The following SUGP2 variants were observed in gnomAD, a reference collection of about 807,000 sequenced individuals.
SUGP2 encodes SURP and G-patch domain containing 2.
In SUGP2, 24 loss-of-function variants were observed where a neutral mutation model predicts 90.5. The observed-to-expected ratio is 0.27, with a 90% CI of 0.19 to 0.37. The LOEUF (loss-of-function observed/expected upper bound fraction) is 0.37, where lower values mean the gene tolerates loss of function less well. Ranked by LOEUF, SUGP2 falls within the 10% of genes least tolerant of loss-of-function variation. SUGP2 has a pLI of 1.00. For synonymous variants in SUGP2, 473 were observed against 513.4 expected, an observed-to-expected ratio of 0.92 and a Z score of 1.06; for missense variants, 1,233 against 1,363.3, an observed-to-expected ratio of 0.90 and a Z score of 1.51.
intron 3 of SUGP2, among the ~76,000 whole-genome samples, chr19:19,020,643 G>C (rs1327721264): frequency 6.6e-6 from 1 of 151,348 alleles, no homozygotes; most frequent in Admixed American, 6.6e-5. Flanking sequence ...TCACCACATT[G>C]CTCAGGCTGG....
At chr19:19,005,558 G>A (rs1053057472) in intron 6 of SUGP2, among the ~76,000 whole-genome samples, 26 of 151,956 alleles carry the variant, frequency 1.7e-4, no homozygotes, top group African/African-American at 5.8e-4. Context: ...CAGACCAAAG[G>A]AACAGAATAG....
intron 4 of SUGP2, among the ~76,000 whole-genome samples, chr19:19,017,371 G>A (rs1456565746): frequency 6.6e-6 from 1 of 152,220 alleles, no homozygotes; most frequent in Non-Finnish European, 1.5e-5. Flanking sequence ...TTACTAGTGA[G>A]ACAGAAGGTC....
intron 4 of SUGP2, among the ~76,000 whole-genome samples, chr19:19,014,231 G>A (rs937813099): frequency 2.0e-5 from 3 of 152,080 alleles, no homozygotes; most frequent in East Asian, 1.9e-4. Context: ...GACCTCATGC[G>A]GCCCACTCGC....
intron 8 of SUGP2, among the ~76,000 whole-genome samples, chr19:18,998,165 C>T (rs2057686938): frequency 6.6e-6 from 1 of 152,256 alleles, no homozygotes; most frequent in Non-Finnish European, 1.5e-5. Flanking sequence ...TCTAAAGTTA[C>T]CTACAGCCTC....
chr19:18,995,076 A>T (rs926447730), intron 9 of SUGP2, 68 bp downstream of exon 9: 30 of 1,573,306 alleles, frequency 1.9e-5, no homozygotes, highest in Non-Finnish European at 2.2e-5. Flanking sequence ...TGAAGGAGCC[A>T]AGCGGCAGGC....
At position 19,025,080 on chromosome 19, in the gene SUGP2, T is replaced by C. The variant is rs1310324853; in HGVS notation, c.1268A>G (p.Lys423Arg). 1.9e-6 allele frequency: 3 copies of C among 1,614,166 alleles called. No homozygotes were observed. The highest frequency in any genetic ancestry group is 2.5e-6 in the Non-Finnish European group (3 of 1,180,032). The change falls in exon 3 of 11, where the codon AAG (lysine) becomes AGG (arginine). Residue 423 changes from lysine (K) to arginine (R), a missense_variant. Lys to Arg is a conservative substitution (Grantham distance 26). This residue lies in a region of SUGP2 where 1 missense variants were observed against 16.5 expected (regional missense o/e 0.06). Transcript: ENST00000452918. The stretch of plus-strand genomic sequence containing the variant: ...TCTCATTATGTACTTGTCAAAAGGC[T>C]TTATGATTTCAAAAAAGCAATTTTT... The part of the protein sequence containing the change: ...KTKNCFFEII[K>R]PFDKYIMRLQ...
At chr19:19,030,923 C>A in intron 2 of SUGP2, 28 bp downstream of exon 2, 1 of 1,597,458 alleles carries the variant, frequency 6.3e-7, no homozygotes, top group Non-Finnish European at 8.5e-7. Context: ...ACCAAAACAA[C>A]AACTACAACA....
In SUGP2 at chr19:19,025,441, C is replaced by G. The variant is rs1386802588; in HGVS notation, c.907G>C (p.Asp303His). The G allele has an allele frequency of 6.2e-7, 1 of 1,614,180 alleles. No individual in the cohort carries two copies. The highest frequency in any genetic ancestry group is 8.5e-7 in the Non-Finnish European group (1 of 1,180,034). Residue 303 changes from aspartate to histidine, a missense_variant, in exon 3 of 11, where the codon GAT becomes CAT. Asp to His is a moderately conservative substitution (Grantham distance 81, BLOSUM62 -1). Around this residue, in one of 8 missense-constraint regions of SUGP2, gnomAD observed 418 missense variants for 399.9 expected, o/e 1.05. Coordinates refer to ENST00000452918, the MANE Select transcript of SUGP2 (RefSeq NM_001017392.5). ...CTGGGGAGCCGAAGATTCTTCAGAT[C>G]CAGCCCCAGAGGGATCTTCTGAATG... is the stretch of plus-strand genomic sequence containing the variant. ...FPIQKIPLGLDLKNLRLPRRK... is the reference protein window; with the variant it reads ...FPIQKIPLGLHLKNLRLPRRK...
rs114730640 is a variant in SUGP2 at position 19,030,857 on chromosome 19, G to A, written c.121+94C>T. 303 of 1,354,034 alleles carry A rather than the reference G, an allele frequency of 2.2e-4. No individual in the cohort carries two copies. In the African/African-American group the frequency reaches 4.0e-3, roughly 18 times the overall value. The allele number at this position is 1,354,034 out of a possible 1,614,324, so 83.9% of individuals were successfully genotyped here. A position where few individuals can be genotyped will look rare whatever the true frequency, so the allele number is the denominator to read the frequency against. The stretch of plus-strand genomic sequence containing the variant: ...AAGGAAACTAAGGATCAGAGGACTG[G>A]TATTATTTGCCCAAGGTATTGTAAT... On this transcript the variant is annotated intron_variant, in intron 2 of 10. Transcript: ENST00000452918.
intron 7 of SUGP2, among the ~76,000 whole-genome samples, chr19:19,002,343 G>A (rs994419789): frequency 1.7e-4 from 25 of 150,268 alleles, no homozygotes; most frequent in African/African-American, 5.6e-4. Context: ...TTGTGCCACT[G>A]CACTCCAGCC....
intron 7 of SUGP2, 99 bp from the exon 8 acceptor site, chr19:19,001,773 T>C: frequency 8.0e-7 from 1 of 1,245,196 alleles, no homozygotes. Flanking sequence ...AACAGTTCTC[T>C]GATGACAGAA....
chr19:19,025,774 C>T lies in SUGP2; in HGVS notation c.574G>A (p.Asp192Asn). Reference sequence around the variant, plus strand: ...TCAGCCTCCCCAGGATGGTCCACGTCATAATCCCGACTCTCCTTCTCCAAA... The same window carrying T: ...TCAGCCTCCCCAGGATGGTCCACGTTATAATCCCGACTCTCCTTCTCCAAA... ...ECLEKESRDYDVDHPGEADSV... is the reference protein window; with the variant it reads ...ECLEKESRDYNVDHPGEADSV... Residue 192 changes from aspartate (D) to asparagine (N), a missense_variant, in exon 3 of 11, where the codon GAC (aspartate) becomes AAC (asparagine). Around this residue, in one of 8 missense-constraint regions of SUGP2, gnomAD observed 418 missense variants for 399.9 expected, o/e 1.05. Transcript: ENST00000452918. 1 of 1,614,014 alleles carries T rather than the reference C, an allele frequency of 6.2e-7. No homozygotes were observed. The highest frequency in any genetic ancestry group is 2.2e-5 in the East Asian group (1 of 44,868).
rs572518096 is a variant in SUGP2, at chr19:19,001,660, G to A, written c.2944C>T (p.Arg982Ter). The change falls in exon 8 of 11, where the codon CGA becomes TGA. Residue 982 changes from arginine to a stop codon, truncating the protein, a stop_gained. Coordinates refer to ENST00000452918, the MANE Select transcript of SUGP2 (RefSeq NM_001017392.5). LOFTEE classifies it high-confidence loss of function. ...CCCCGAGGCCTGTCATAGGCAATTC[G>A]AACTGGTTCATGGACTAGAAGACAA... is the stretch of plus-strand genomic sequence containing the variant. ...IQEPKVHEPV[R>*]IAYDRPRGRP... 3 of 1,614,174 alleles carry A rather than the reference G, an allele frequency of 1.9e-6. No individual in the cohort carries two copies. Among genetic ancestry groups the A allele is most frequent in the South Asian group, 1.1e-5 (1 of 91,080 alleles).
At chr19:19,033,345 C>G in intron 1 of SUGP2, 92 bp downstream of exon 1, 1 of 1,139,236 alleles carries the variant, frequency 8.8e-7, no homozygotes, top group Non-Finnish European at 1.1e-6. Flanking sequence ...GCCTGCGACG[C>G]CATCACGGAG....
intron 6 of SUGP2, among the ~76,000 whole-genome samples, chr19:19,005,072 T>C (rs2058008812): frequency 6.6e-6 from 1 of 152,188 alleles, no homozygotes; most frequent in Non-Finnish European, 1.5e-5. Context: ...CAGTTACTGC[T>C]GGAACATGTG....
At position 19,024,648 on chromosome 19, in the gene SUGP2, T is replaced by C; in HGVS notation, c.1700A>G (p.Gln567Arg). The part of the protein sequence containing the change: ...KMIPPTKPEI[Q>R]AKAPSSLSDA... Reference sequence around the variant, plus strand: ...ACTCAGACTACTTGGAGCCTTGGCCTGAATTTCAGGTTTCGTAGGAGGAAT... The same window carrying C: ...ACTCAGACTACTTGGAGCCTTGGCCCGAATTTCAGGTTTCGTAGGAGGAAT... The change falls in exon 3 of 11, where the codon CAG becomes CGG. Residue 567 changes from glutamine (Q) to arginine (R), a missense_variant. Around this residue, in one of 8 missense-constraint regions of SUGP2, gnomAD observed 540 missense variants for 542.6 expected, o/e 1.00. Coordinates refer to ENST00000452918, the MANE Select transcript of SUGP2 (RefSeq NM_001017392.5). 1.2e-6 allele frequency: 2 copies of C among 1,614,130 alleles called. No homozygotes were observed. The highest frequency in any genetic ancestry group is 1.1e-5 in the South Asian group (1 of 91,062).
At chr19:19,010,426 A>G (rs1264559223) in intron 4 of SUGP2, 84 bp from the exon 5 acceptor site, 2 of 1,532,900 alleles carry the variant, frequency 1.3e-6, no homozygotes, top group East Asian at 2.3e-5. Context: ...AACCCTTTCT[A>G]AGTGGCCAAC....
At chr19:19,004,119 C>A (rs2057960059) in intron 7 of SUGP2, 49 bp downstream of exon 7, 1 of 1,422,486 alleles carries the variant, frequency 7.0e-7, no homozygotes, top group South Asian at 1.4e-5. Context: ...CACAGCCCAC[C>A]AACCAAGAAC....
intron 3 of SUGP2, among the ~76,000 whole-genome samples, chr19:19,021,907 C>T (rs893601887): frequency 4.6e-5 from 7 of 152,094 alleles, no homozygotes; most frequent in Admixed American, 6.6e-5. Context: ...TCAGGTGATC[C>T]ACCTGCTTCA....
Sources: gnomAD v4.1 joint callset for allele counts (sites outside exome capture counted in the v4.1 genomes callset) on GRCh38, gnomAD v4.1.1 for gene constraint, gnomAD v4.1.1 regional missense constraint, MANE v1.5 for transcripts, NCBI Gene and HGNC (gene_info 2026-07-23, HGNC 2026-07-21) for gene names.